ARPP19: variants seen among roughly 807,000 people sequenced by gnomAD.
The protein encoded by ARPP19 is cAMP-regulated phosphoprotein 19.
Under a neutral mutation model 12.0 loss-of-function variants are expected in ARPP19, and 8 were observed. The ratio of observed to expected loss-of-function variants is 0.67; its 90% CI spans 0.39 to 1.21. ARPP19 has a LOEUF of 1.21. ARPP19 is among the 50% of genes most tolerant of loss of function. The pLI is 0.01. For missense variants in ARPP19, 102 were observed against 136.3 expected (o/e 0.75, Z 1.25); for synonymous variants, 47 against 50.4 (o/e 0.93, Z 0.29).
At chr15:52,558,004 A>T (rs781764870) in intron 1 of ARPP19, among the ~76,000 whole-genome samples, 18 of 152,212 alleles carry the variant, frequency 1.2e-4, no homozygotes, top group Non-Finnish European at 2.5e-4. Flanking sequence ...CTATTCTTTA[A>T]TATATCAAAA....
intron 2 of ARPP19, among the ~76,000 whole-genome samples, chr15:52,556,486 A>T (rs890492449): frequency 6.6e-6 from 1 of 152,190 alleles, no homozygotes; most frequent in Admixed American, 6.5e-5. Flanking sequence ...TAATATCTTC[A>T]GTAATTTGAA....
intron 1 of ARPP19, chr15:52,568,429 G>A (rs1287618670): frequency 6.2e-6 from 1 of 161,022 alleles, no homozygotes; most frequent in Non-Finnish European, 1.3e-5. Flanking sequence ...CCACATCGCG[G>A]CCCGCACACG....
chr15:52,561,120 A>C (rs2078028264), intron 1 of ARPP19, among the ~76,000 whole-genome samples: 1 of 152,244 alleles, frequency 6.6e-6, no homozygotes, highest in African/African-American at 2.4e-5. Context: ...AGCAGGTAAA[A>C]TAAGCGATTT....
intron 1 of ARPP19, among the ~76,000 whole-genome samples, chr15:52,566,901 C>G (rs2078088107): frequency 6.6e-6 from 1 of 152,230 alleles, no homozygotes; most frequent in Non-Finnish European, 1.5e-5. Context: ...AGCTTTTACT[C>G]CATGCAAGGC....
rs1241563045 is a variant in ARPP19, at chr15:52,548,667, T to C, written c.*3267A>G. ...TGGTTGTCAGACTGAAAAAACATAG[T>C]TGATAAAGGGTTCAGTACTATCTGA... On this transcript the variant is annotated 3_prime_UTR_variant, in exon 3 of 3. Transcript: ENST00000249822. The C allele has an allele frequency of 5.9e-5, 9 of 152,364 alleles. No individual in the cohort carries two copies. The highest frequency in any genetic ancestry group is 7.3e-5 in the Non-Finnish European group (5 of 68,260). 9.4% of individuals were successfully genotyped at this position (152,364 alleles called of 1,614,324 possible). A position where few individuals can be genotyped will look rare whatever the true frequency, so the allele number is the denominator to read the frequency against.
rs1478783721 is a variant in ARPP19, at chr15:52,550,341, C to T, written c.*1593G>A. On this transcript the variant is annotated 3_prime_UTR_variant, in exon 3 of 3. Coordinates refer to ENST00000249822, the MANE Select transcript of ARPP19 (RefSeq NM_006628.6). Reference sequence around the variant, plus strand: ...TAAACATTTTTAATAGGAGTTTTACCTGTCATGTAAATTACTCTAATTGTC... The same window carrying T: ...TAAACATTTTTAATAGGAGTTTTACTTGTCATGTAAATTACTCTAATTGTC... 2 of 152,152 alleles carry T rather than the reference C, an allele frequency of 1.3e-5. No homozygotes were observed. Among genetic ancestry groups the T allele is most frequent in the African/African-American group, 4.8e-5 (2 of 41,442 alleles). 9.4% of individuals were successfully genotyped at this position (152,152 alleles called of 1,614,324 possible). A position where few individuals can be genotyped will look rare whatever the true frequency, so the allele number is the denominator to read the frequency against.
chr15:52,556,194 G>A (rs376133013), intron 2 of ARPP19, among the ~76,000 whole-genome samples: 1 of 122,038 alleles, frequency 8.2e-6, no homozygotes, highest in African/African-American at 2.9e-5. Flanking sequence ...ACACACAGAC[G>A]TGTTTTAAGC....
chr15:52,569,187 T>G (rs930376859), upstream of ARPP19: 1 of 432,526 alleles, frequency 2.3e-6, no homozygotes, highest in Non-Finnish European at 4.1e-6. Context: ...CGCTCCTGCC[T>G]CACCTCACAT....
intron 1 of ARPP19, among the ~76,000 whole-genome samples, chr15:52,567,472 C>T (rs73396733): frequency 1.3e-5 from 2 of 152,084 alleles, no homozygotes; most frequent in African/African-American, 4.8e-5. Context: ...TTAAGGCAAA[C>T]CACCACAGAC....
chr15:52,567,981 T>C (rs1314152279), intron 1 of ARPP19, among the ~76,000 whole-genome samples: 1 of 152,200 alleles, frequency 6.6e-6, no homozygotes, highest in Non-Finnish European at 1.5e-5. Flanking sequence ...TCTCGGCCAG[T>C]CACACCTGCC....
chr15:52,549,989 TTTAAC>T lies in ARPP19; in HGVS notation c.*1940_*1944del, dbSNP rs2077914248. On this transcript the variant is annotated 3_prime_UTR_variant, in exon 3 of 3. Coordinates refer to ENST00000249822, the MANE Select transcript of ARPP19 (RefSeq NM_006628.6). ...GCTTTCCTCAGAGCACTAGGCAGCC[TTTAAC>T]TTAAGGTGCTATGTTTGAGGCACCA... The T allele has an allele frequency of 6.6e-6, 1 of 152,610 alleles. No homozygotes were observed. The highest frequency in any genetic ancestry group is 2.4e-5 in the African/African-American group (1 of 41,440). 9.5% of individuals were successfully genotyped at this position (152,610 alleles called of 1,614,324 possible).
chr15:52,569,080 G>C (rs1468974891), upstream of ARPP19: 2 of 563,074 alleles, frequency 3.6e-6, no homozygotes, highest in Non-Finnish European at 6.2e-6. Context: ...GCACGCCGGA[G>C]CCCGCCTGCC....
At chr15:52,563,397 A>T (rs2078053113) in intron 1 of ARPP19, among the ~76,000 whole-genome samples, 1 of 152,208 alleles carries the variant, frequency 6.6e-6, no homozygotes, top group South Asian at 2.1e-4. Context: ...TAACACAGAT[A>T]CATGTTTACA....
chr15:52,552,063 T>C lies in ARPP19; in HGVS notation c.210A>G (p.Ala70=), dbSNP rs1394209356. The change falls in exon 3 of 3, where the codon GCA becomes GCG. Residue 70 remains alanine, a synonymous_variant. Transcript: ENST00000249822. ...TAGGAAGTTGCTTGTTCTTCATTTT[T>C]GCTTTAGCCATGTTGTAATCCCCAG... is the stretch of plus-strand genomic sequence containing the variant. ...FDSGDYNMAK[A]KMKNKQLPTA... 1.9e-6 allele frequency: 3 copies of C among 1,613,878 alleles called. No homozygotes were observed. The highest frequency in any genetic ancestry group is 2.7e-5 in the African/African-American group (2 of 74,940).
chr15:52,562,861 A>G (rs1216552707), intron 1 of ARPP19, among the ~76,000 whole-genome samples: 5 of 130,218 alleles, frequency 3.8e-5, no homozygotes, highest in African/African-American at 5.7e-5. Context: ...GGCAAGCTTA[A>G]GAAGTTTTTT....
At chr15:52,567,830 C>A (rs934905633) in intron 1 of ARPP19, among the ~76,000 whole-genome samples, 1 of 152,076 alleles carries the variant, frequency 6.6e-6, no homozygotes, top group African/African-American at 2.4e-5. Context: ...TTAATTAGGA[C>A]ATAAGTGCAA....
rs1453184679 is a variant in ARPP19, at chr15:52,550,157, TC to T, written c.*1776del. ...AAATAGTAGCATCTCAAGCTACTGA[TC>T]CTGAGTATCATGCTACAGCATTACA... On this transcript the variant is annotated 3_prime_UTR_variant, in exon 3 of 3. Transcript: ENST00000249822. 1.3e-5 allele frequency: 2 copies of T among 152,214 alleles called. No individual in the cohort carries two copies. Among genetic ancestry groups the T allele is most frequent in the African/African-American group, 4.8e-5 (2 of 41,446 alleles). 9.4% of individuals were successfully genotyped at this position (152,214 alleles called of 1,614,324 possible). A position where few individuals can be genotyped will look rare whatever the true frequency, so the allele number is the denominator to read the frequency against.
At chr15:52,561,934 C>CT (rs11340086) in intron 1 of ARPP19, among the ~76,000 whole-genome samples, 7,241 of 126,952 alleles carry the variant, frequency 0.057, 651 homozygotes, top group East Asian at 0.44. Flanking sequence ...AGTGCACCTA[C>CT]TTTTTTTTTT....
chr15:52,562,522 G>T (rs1326327041), intron 1 of ARPP19, among the ~76,000 whole-genome samples: 1 of 152,064 alleles, frequency 6.6e-6, no homozygotes, highest in Non-Finnish European at 1.5e-5. Flanking sequence ...TTAAAAATTA[G>T]ATAGGTGTCG....
Sources: gnomAD v4.1 joint callset for allele counts (sites outside exome capture counted in the v4.1 genomes callset) on GRCh38, gnomAD v4.1.1 for gene constraint, MANE v1.5 for transcripts, NCBI Gene and HGNC (gene_info 2026-07-23, HGNC 2026-07-21) for gene names.